The following FAM184B variants were observed in gnomAD, a reference collection of about 807,000 sequenced individuals.
FAM184B encodes family with sequence similarity 184 member B, also known as protein FAM184B.
A neutral mutation model predicts 135.9 loss-of-function variants in FAM184B; 111 were observed. The observed-to-expected ratio is 0.82, with a 90% CI of 0.70 to 0.96. FAM184B has a LOEUF of 0.96. FAM184B is among the 40% of genes least tolerant of loss of function. FAM184B has a pLI of 0.00. For missense variants in FAM184B, 1,375 were observed against 1,323.9 expected, an observed-to-expected ratio of 1.04 and a Z score of -0.60; for synonymous variants, 552 against 524.8, an observed-to-expected ratio of 1.05 and a Z score of -0.71.
intron 1 of FAM184B, among the ~76,000 whole-genome samples, chr4:17,715,199 G>A (rs1212693967): frequency 1.3e-5 from 2 of 152,094 alleles, no homozygotes; most frequent in South Asian, 2.1e-4. Flanking sequence ...TTGGGGCCAG[G>A]CTCAGTGGCT....
Position 17,781,604 on chromosome 4 carries a change from C to A in FAM184B, c.-305G>T, listed in dbSNP as rs370399643. 1.3e-5 allele frequency: 4 copies of A among 314,632 alleles called. No homozygotes were observed. The highest frequency in any genetic ancestry group is 6.3e-5 in the East Asian group (1 of 15,810). 19.5% of individuals were successfully genotyped at this position (314,632 alleles called of 1,614,324 possible). ...TGGCGATCAGTCTGCAGTTCCCCAG[C>A]CAGTGCAGGTTTCGTGTGCAAGGGG... On this transcript the variant is annotated 5_prime_UTR_variant, in exon 1 of 18. Transcript: ENST00000265018. This position sits in a 1 kb window ranked among gnomAD's most constrained non-coding sequence, Gnocchi z 6.5.
intron 7 of FAM184B, among the ~76,000 whole-genome samples, chr4:17,669,607 G>A (rs929184364): frequency 6.6e-6 from 1 of 152,230 alleles, no homozygotes; most frequent in African/African-American, 2.4e-5. Context: ...AACTGGCTAA[G>A]TTCTACATGG....
chr4:17,747,650 G>A (rs1718195521), intron 1 of FAM184B, among the ~76,000 whole-genome samples: 1 of 151,918 alleles, frequency 6.6e-6, no homozygotes, highest in Admixed American at 6.6e-5. Flanking sequence ...GGCCGGGAGC[G>A]GTGGCTCACG....
At chr4:17,730,222 AT>A (rs1372105625) in intron 1 of FAM184B, among the ~76,000 whole-genome samples, 17 of 152,346 alleles carry the variant, frequency 1.1e-4, no homozygotes, top group African/African-American at 3.8e-4. Context: ...AGAAAAAAGA[AT>A]AAAAAGAAAT....
intron 1 of FAM184B, among the ~76,000 whole-genome samples, chr4:17,779,763 T>TA (rs1489737831): frequency 1.2e-4 from 18 of 152,232 alleles, no homozygotes; most frequent in African/African-American, 4.3e-4. Context: ...ATAGCACTCG[T>TA]AATTGGAAAC....
At chr4:17,744,470 C>CAA (rs1718113690) in intron 1 of FAM184B, among the ~76,000 whole-genome samples, 1 of 143,350 alleles carries the variant, frequency 7.0e-6, no homozygotes, top group Non-Finnish European at 1.5e-5. Flanking sequence ...CTCACACACA[C>CAA]ACACACACAC....
intron 1 of FAM184B, among the ~76,000 whole-genome samples, chr4:17,722,422 T>C (rs1717550345): frequency 6.6e-6 from 1 of 152,232 alleles, no homozygotes; most frequent in Admixed American, 6.5e-5. Flanking sequence ...CTGGGCTCCT[T>C]CCAGCAAATG....
At chr4:17,778,288 A>G (rs1347449735) in intron 1 of FAM184B, among the ~76,000 whole-genome samples, 1 of 152,254 alleles carries the variant, frequency 6.6e-6, no homozygotes, top group Non-Finnish European at 1.5e-5. Flanking sequence ...GTGGAGTACT[A>G]TCATCAGTGT....
chr4:17,664,675 A>C lies in FAM184B; in HGVS notation c.1597-16T>G. On this transcript the variant is annotated splice_polypyrimidine_tract_variant and intron_variant, in intron 7 of 17. Coordinates refer to ENST00000265018, the MANE Select transcript of FAM184B (RefSeq NM_015688.2). Reference sequence around the variant, plus strand: ...AGCATGGATCCTAAGGCCAAAAAAGAAAAAGAAAAAAAAAAAAAAGGCAAG... The same window carrying C: ...AGCATGGATCCTAAGGCCAAAAAAGCAAAAGAAAAAAAAAAAAAAGGCAAG... 6.6e-7 allele frequency: 1 copy of C among 1,508,532 alleles called. No homozygotes were observed. The highest frequency in any genetic ancestry group is 8.9e-7 in the Non-Finnish European group (1 of 1,128,422). The allele number at this position is 1,508,532 out of a possible 1,614,324, so 93.4% of individuals were successfully genotyped here. A position where few individuals can be genotyped will look rare whatever the true frequency, so the allele number is the denominator to read the frequency against.
At chr4:17,778,708 A>C (rs557452135) in intron 1 of FAM184B, among the ~76,000 whole-genome samples, 1 of 152,216 alleles carries the variant, frequency 6.6e-6, no homozygotes, top group South Asian at 2.1e-4. Context: ...TGAAAAAGAA[A>C]ATATTAGCTG....
chr4:17,749,974 C>G (rs1718257653), intron 1 of FAM184B, among the ~76,000 whole-genome samples: 1 of 152,156 alleles, frequency 6.6e-6, no homozygotes, highest in Admixed American at 6.5e-5. Context: ...TCATGTACCT[C>G]AATCATATTT....
At chr4:17,733,567 C>T (rs1380173943) in intron 1 of FAM184B, among the ~76,000 whole-genome samples, 3 of 152,170 alleles carry the variant, frequency 2.0e-5, no homozygotes, top group African/African-American at 7.2e-5. Context: ...CATGAGTGAA[C>T]TCCCATTCAC....
intron 5 of FAM184B, among the ~76,000 whole-genome samples, chr4:17,694,781 C>A (rs1367247303): frequency 6.6e-6 from 1 of 152,118 alleles, no homozygotes; most frequent in Admixed American, 6.5e-5. Context: ...AAAAGACAGG[C>A]AGCAATCAAA....
intron 1 of FAM184B, among the ~76,000 whole-genome samples, chr4:17,727,610 C>T (rs1482907929): frequency 1.3e-5 from 2 of 152,098 alleles, no homozygotes; most frequent in Non-Finnish European, 2.9e-5. Flanking sequence ...AGAGTGAGTT[C>T]AGGGGAAATT....
Position 17,630,540 on chromosome 4 carries a change from A to G in FAM184B, c.*1992T>C, listed in dbSNP as rs974556428. ...CTTAGCCTCTAGGACTGTGAGTGAC[A>G]TATTTCTATTGTTTATAAATTATCC... On this transcript the variant is annotated 3_prime_UTR_variant, in exon 18 of 18. Transcript: ENST00000265018. The G allele has an allele frequency of 6.6e-6, 1 of 152,340 alleles. No homozygotes were observed. The highest frequency in any genetic ancestry group is 2.4e-5 in the African/African-American group (1 of 41,574). 9.4% of individuals were successfully genotyped at this position (152,340 alleles called of 1,614,324 possible).
intron 11 of FAM184B, among the ~76,000 whole-genome samples, chr4:17,651,379 T>C (rs1467536523): frequency 6.6e-6 from 1 of 151,190 alleles, no homozygotes; most frequent in Non-Finnish European, 1.5e-5. Flanking sequence ...CTACTAAAAA[T>C]ACAGAAAAAT....
rs529696773 is a variant in FAM184B, at chr4:17,769,057, CCTCCCAAA to C, written c.141+12094_141+12101del. Among the ~76,000 whole-genome samples the C allele has an allele frequency of 3.6e-3, 543 of 152,234 alleles. 3 individuals carry two copies. Among genetic ancestry groups the C allele is most frequent in the African/African-American group, 0.011 (475 of 41,560 alleles). On this transcript the variant is annotated intron_variant, in intron 1 of 17. Coordinates refer to ENST00000265018, the MANE Select transcript of FAM184B (RefSeq NM_015688.2). Reference sequence around the variant, plus strand: ...ACCTCAGGTGATCCACCCGCCTTGGCCTCCCAAAGTGCTGAGATTACAGGCATGAGCCA... The same window carrying C: ...ACCTCAGGTGATCCACCCGCCTTGGCGTGCTGAGATTACAGGCATGAGCCA...
rs1320113146 is a variant in FAM184B at position 17,709,262 on chromosome 4, C to G, written c.524G>C (p.Arg175Pro). 6.5e-7 allele frequency: 1 copy of G among 1,546,884 alleles called. No homozygotes were observed. Among genetic ancestry groups the G allele is most frequent in the Non-Finnish European group, 8.7e-7 (1 of 1,144,506 alleles). ...LTSHEATPQGRLPQESPETKS... is the reference protein window; with the variant it reads ...LTSHEATPQGPLPQESPETKS... ...GGTTTCAGGGCTCTCCTGGGGCAGC[C>G]GGCCCTGCGGGGTAGCCTCGTGGCT... The change falls in exon 2 of 18, where the codon CGG becomes CCG. Residue 175 changes from arginine (R) to proline (P), a missense_variant. Transcript: ENST00000265018.
intron 1 of FAM184B, among the ~76,000 whole-genome samples, chr4:17,712,757 C>G (rs1177157244): frequency 6.7e-6 from 1 of 149,040 alleles, no homozygotes; most frequent in African/African-American, 2.6e-5. Flanking sequence ...AAAAAAAAAG[C>G]TTTGTATGGC....
Sources: allele counts gnomAD v4.1 joint callset (sites outside exome capture counted in the v4.1 genomes callset), GRCh38; gene constraint gnomAD v4.1.1; non-coding constraint Gnocchi (gnomAD v3.1); transcripts MANE v1.5; gene names NCBI Gene and HGNC (gene_info 2026-07-23, HGNC 2026-07-21).